NLRP12: variants seen among roughly 807,000 people sequenced by gnomAD.
The protein encoded by NLRP12 is NACHT, LRR and PYD domains-containing protein 12.
In NLRP12, 108 loss-of-function variants were observed where a neutral mutation model predicts 91.2. The ratio of observed to expected loss-of-function variants is 1.18; its 90% CI spans 1.01 to 1.39. The LOEUF (loss-of-function observed/expected upper bound fraction) is 1.39, where lower values mean the gene tolerates loss of function less well. NLRP12 is among the 40% of genes most tolerant of loss of function. The pLI, the probability that NLRP12 is intolerant of heterozygous loss-of-function variation, is 0.00. For missense variants in NLRP12, 1,530 were observed against 1,352.7 expected, an observed-to-expected ratio of 1.13 and a Z score of -2.06; for synonymous variants, 613 against 566.7, an observed-to-expected ratio of 1.08 and a Z score of -1.16.
chr19:53,795,756 C>T, intron 9 of NLRP12, 103 bp downstream of exon 9: 1 of 980,882 alleles, frequency 1.0e-6, no homozygotes, highest in Non-Finnish European at 1.6e-6. Flanking sequence ...CCCCTAATTG[C>T]ATACACCAGT....
At chr19:53,816,961 C>T (rs1244748826) in intron 1 of NLRP12, among the ~76,000 whole-genome samples, 1 of 151,900 alleles carries the variant, frequency 6.6e-6, no homozygotes, top group African/African-American at 2.4e-5. Flanking sequence ...GAATGCACAT[C>T]AGTGTAAATG....
At chr19:53,799,195 TAG>T (rs1345432244) in intron 7 of NLRP12, among the ~76,000 whole-genome samples, 1 of 151,294 alleles carries the variant, frequency 6.6e-6, no homozygotes, top group African/African-American at 2.4e-5. Flanking sequence ...GTATTTTTAG[TAG>T]AGACGGGGTT....
Position 53,804,022 on chromosome 19 carries a change from G to C in NLRP12, c.2515C>G (p.Leu839Val), listed in dbSNP as rs2091915200. ...LVELDLTGNA[L>V]EDLGLRLLCQ... The stretch of plus-strand genomic sequence containing the variant: ...AGTAACCTCAGGCCCAAATCCTCCA[G>C]TGCATTTCCTGTCAGGTCCAACTCA... The change falls in exon 6 of 10, where the codon CTG becomes GTG. Residue 839 changes from leucine to valine, a missense_variant. By Grantham distance (32) the Leu-to-Val change is conservative. Coordinates refer to ENST00000324134, the MANE Select transcript of NLRP12 (RefSeq NM_144687.4). The C allele has an allele frequency of 6.2e-7, 1 of 1,614,158 alleles. No homozygotes were observed. The highest frequency in any genetic ancestry group is 8.5e-7 in the Non-Finnish European group (1 of 1,180,026).
intron 1 of NLRP12, among the ~76,000 whole-genome samples, chr19:53,818,614 G>A (rs902158778): frequency 1.3e-5 from 2 of 151,880 alleles, no homozygotes; most frequent in Non-Finnish European, 2.9e-5. Context: ...GCAGTGAGCC[G>A]AGAACGCACC....
intron 6 of NLRP12, among the ~76,000 whole-genome samples, chr19:53,803,576 T>C (rs1365175920): frequency 6.6e-6 from 1 of 152,116 alleles, no homozygotes; most frequent in Non-Finnish European, 1.5e-5. Flanking sequence ...GCAGCCACTA[T>C]TCTACTTTGT....
In NLRP12 at chr19:53,809,804, C is replaced by T. The variant is rs139082917; in HGVS notation, c.1855G>A (p.Glu619Lys). The T allele has an allele frequency of 9.5e-5, 153 of 1,613,978 alleles. No individual in the cohort carries two copies. The highest frequency in any genetic ancestry group is 2.3e-4 in the South Asian group (21 of 91,088). ...GSLEFFSCLY[E>K]IQEEEFIQQA... is the part of the protein sequence containing the mutation. ...TGGATAAACTCCTCCTCCTGGATCT[C>T]GTACAAGCAGCTGAAGAACTCCAAG... is the stretch of plus-strand genomic sequence containing the variant. Residue 619 changes from glutamate (E) to lysine (K), a missense_variant, in exon 3 of 10, where the codon GAG becomes AAG. Glu to Lys is a moderately conservative substitution (Grantham distance 56). Coordinates refer to ENST00000324134, the MANE Select transcript of NLRP12 (RefSeq NM_144687.4).
At chr19:53,809,517 C>CAAAAAAAAAAAAA (rs3973672) in intron 3 of NLRP12, 70 bp downstream of exon 3, 108 of 695,176 alleles carry the variant, frequency 1.6e-4, no homozygotes, top group African/African-American at 5.7e-4. Flanking sequence ...GGCAACAGAG[C>CAAAAAAAAAAAAA]AAAAAAAAAA....
At position 53,798,260 on chromosome 19, in the gene NLRP12, G is replaced by A; in HGVS notation, c.2910C>T (p.Cys970=). ...ATGCTCACCACAGTTTCTGGAGTCTGCAGGCGGGATGTTGCAGCCCCTCAG... is the reference window on the plus strand; with the variant it reads ...ATGCTCACCACAGTTTCTGGAGTCTACAGGCGGGATGTTGCAGCCCCTCAG... ...LLAEGLQHPA[C]RLQKLWLDSC... Residue 970 remains cysteine, a synonymous_variant, in exon 8 of 10, where the codon TGC becomes TGT. Transcript: ENST00000324134. 1.2e-6 allele frequency: 2 copies of A among 1,614,178 alleles called. No individual in the cohort carries two copies. The highest frequency in any genetic ancestry group is 8.5e-7 in the Non-Finnish European group (1 of 1,180,038).
chr19:53,810,631 C>G lies in NLRP12; in HGVS notation c.1028G>C (p.Arg343Pro), dbSNP rs759054060. The change falls in exon 3 of 10, where the codon CGG (arginine) becomes CCG (proline). Residue 343 changes from arginine (R) to proline (P), a missense_variant. Transcript: ENST00000324134. Reference sequence around the variant, plus strand: ...GTGGAGCTTCTCCAAAGCCGTGGGCCGTGTGGTGATGAGCAAAGATAGCTC... The same window carrying G: ...GTGGAGCTTCTCCAAAGCCGTGGGCGGTGTGGTGATGAGCAAAGATAGCTC... ...LPELSLLITT[R>P]PTALEKLHRL... 2 of 1,613,982 alleles carry G rather than the reference C, an allele frequency of 1.2e-6. No individual in the cohort carries two copies. Among genetic ancestry groups the G allele is most frequent in the African/African-American group, 1.3e-5 (1 of 74,922 alleles).
At position 53,811,186 on chromosome 19, in the gene NLRP12, G is replaced by C. The variant is rs760404956; in HGVS notation, c.473C>G (p.Thr158Ser). 3 of 1,614,036 alleles carry C rather than the reference G, an allele frequency of 1.9e-6. No individual in the cohort carries two copies. Among genetic ancestry groups the C allele is most frequent in the Non-Finnish European group, 8.5e-7 (1 of 1,180,038 alleles). Residue 158 changes from threonine to serine, a missense_variant, in exon 3 of 10, where the codon ACC becomes AGC. Physicochemically the swap from Thr to Ser is moderately conservative, Grantham distance 58. Coordinates refer to ENST00000324134, the MANE Select transcript of NLRP12 (RefSeq NM_144687.4). ...GTGCTCCTTCACCAGCAGGAGCCGG[G>C]TGTACCGGTGGCTGAGGTTGACACA... ...GECVNLSHRYTRLLLVKEHSN... is the reference protein window; with the variant it reads ...GECVNLSHRYSRLLLVKEHSN...
intron 2 of NLRP12, among the ~76,000 whole-genome samples, chr19:53,814,594 G>C (rs146681582): frequency 0.14 from 20,553 of 151,860 alleles, 1,703 homozygotes; most frequent in Middle Eastern, 0.18. Flanking sequence ...CAGGTGATCT[G>C]CCCGCTTTGG....
At position 53,804,007 on chromosome 19, in the gene NLRP12, G is replaced by T; in HGVS notation, c.2530C>A (p.Leu844Met). ...LTGNALEDLG[L>M]RLLCQGLRHP... ...CTCAGTCCCTGGCATAGTAACCTCA[G>T]GCCCAAATCCTCCAGTGCATTTCCT... The change falls in exon 6 of 10, where the codon CTG becomes ATG. Residue 844 changes from leucine to methionine, a missense_variant. Physicochemically the swap from Leu to Met is conservative, Grantham distance 15. Coordinates refer to ENST00000324134, the MANE Select transcript of NLRP12 (RefSeq NM_144687.4). 1 of 1,614,166 alleles carries T rather than the reference G, an allele frequency of 6.2e-7. No individual in the cohort carries two copies. The highest frequency in any genetic ancestry group is 8.5e-7 in the Non-Finnish European group (1 of 1,180,028).
At chr19:53,807,447 A>G in intron 4 of NLRP12, 48 bp downstream of exon 4, 1 of 1,577,526 alleles carries the variant, frequency 6.3e-7, no homozygotes, top group African/African-American at 1.3e-5. Flanking sequence ...TCCCCATGAG[A>G]GGCCACGGTG....
chr19:53,800,581 C>G (rs8110965), intron 7 of NLRP12, among the ~76,000 whole-genome samples: 51,508 of 130,170 alleles, frequency 0.4, 9,348 homozygotes, highest in African/African-American at 0.51. Flanking sequence ...GTCAGAAAAC[C>G]CCCCCCTTTT....
At chr19:53,798,140 T>C (rs934756261) in intron 8 of NLRP12, 103 bp downstream of exon 8, 1 of 1,249,682 alleles carries the variant, frequency 8.0e-7, no homozygotes, top group African/African-American at 1.5e-5. Context: ...CTGAATCTTT[T>C]GTAGTGAAGC....
At chr19:53,822,958 G>A (rs62143206) in intron 1 of NLRP12, among the ~76,000 whole-genome samples, 2 of 151,242 alleles carry the variant, frequency 1.3e-5, no homozygotes, top group East Asian at 3.9e-4. Context: ...AGTAGAGACA[G>A]GGTTTTGCTA....
intron 1 of NLRP12, 129 bp downstream of exon 1, chr19:53,823,757 C>A (rs182642351): frequency 1.2e-4 from 128 of 1,056,830 alleles, no homozygotes; most frequent in East Asian, 8.3e-4. Context: ...ACTATGTTGT[C>A]CAGACTGGTC....
intron 1 of NLRP12, among the ~76,000 whole-genome samples, chr19:53,818,481 T>G (rs936176251): frequency 3.3e-5 from 5 of 151,896 alleles, no homozygotes; most frequent in Non-Finnish European, 5.9e-5. Context: ...TCCTGGCTAA[T>G]ATGGTGAAAC....
At chr19:53,820,030 A>T (rs2092243676) in intron 1 of NLRP12, among the ~76,000 whole-genome samples, 1 of 152,148 alleles carries the variant, frequency 6.6e-6, no homozygotes, top group Non-Finnish European at 1.5e-5. Flanking sequence ...ACGACGAGTC[A>T]TTAAGCTTTG....
Sources: gnomAD v4.1 joint callset for allele counts (sites outside exome capture counted in the v4.1 genomes callset) on GRCh38, gnomAD v4.1.1 for gene constraint, MANE v1.5 for transcripts, NCBI Gene and HGNC (gene_info 2026-07-23, HGNC 2026-07-21) for gene names.